RASA3: variants seen among roughly 807,000 people sequenced by gnomAD.
RASA3 encodes the protein RAS p21 protein activator 3, also known as ras GTPase-activating protein 3.
Under a neutral mutation model 110.0 loss-of-function variants are expected in RASA3, and 73 were observed. That is an observed-to-expected ratio of 0.66 (90% CI 0.55 to 0.81). RASA3 has a LOEUF of 0.81. RASA3 is among the 30% of genes least tolerant of loss of function. RASA3 has a pLI of 0.00. For synonymous variants in RASA3, 500 were observed against 451.4 expected (o/e 1.11, Z -1.37); for missense variants, 976 against 1,113.2 (o/e 0.88, Z 1.75).
intron 1 of RASA3, chr13:114,078,100 G>T: frequency 1.3e-6 from 1 of 762,116 alleles, no homozygotes; most frequent in Non-Finnish European, 1.6e-6. Flanking sequence ...AGACCAGGAG[G>T]GCTGGGGCTG....
intron 1 of RASA3, among the ~76,000 whole-genome samples, chr13:114,107,357 G>A (rs762723054): frequency 4.6e-5 from 7 of 151,730 alleles, no homozygotes; most frequent in African/African-American, 1.5e-4. Context: ...CGCGGGGGAC[G>A]GGCCTGTGTG....
At chr13:114,063,637 G>T (rs1013014514) in intron 2 of RASA3, among the ~76,000 whole-genome samples, 1 of 152,216 alleles carries the variant, frequency 6.6e-6, no homozygotes, top group Non-Finnish European at 1.5e-5. Flanking sequence ...GCAGTGCCAG[G>T]TCCCCCTGCC....
intron 1 of RASA3, among the ~76,000 whole-genome samples, chr13:114,100,667 C>T (rs1196282816): frequency 6.6e-6 from 1 of 152,230 alleles, no homozygotes; most frequent in Non-Finnish European, 1.5e-5. Context: ...CACCAGGACA[C>T]CTGGGCAAAC....
intron 1 of RASA3, among the ~76,000 whole-genome samples, chr13:114,113,570 C>T (rs1397034258): frequency 1.3e-5 from 2 of 151,644 alleles, no homozygotes; most frequent in South Asian, 4.2e-4. Context: ...CCCACCACGG[C>T]GAGTGATGTC....
intron 2 of RASA3, among the ~76,000 whole-genome samples, chr13:114,069,242 A>G (rs1040775988): frequency 1.3e-5 from 2 of 151,986 alleles, no homozygotes; most frequent in African/African-American, 4.8e-5. Flanking sequence ...ACTTGACCCA[A>G]GTGCTTCTCC....
chr13:114,055,276 T>C (rs1294059134), intron 2 of RASA3, among the ~76,000 whole-genome samples: 1 of 152,264 alleles, frequency 6.6e-6, no homozygotes, highest in African/African-American at 2.4e-5. Context: ...TGGGTGCACA[T>C]GTACACAAAG....
At chr13:114,062,790 G>A (rs547052611) in intron 2 of RASA3, among the ~76,000 whole-genome samples, 2 of 152,346 alleles carry the variant, frequency 1.3e-5, no homozygotes, top group Admixed American at 6.5e-5. Flanking sequence ...GGTGGGCCTC[G>A]GCTGCTGAGG....
intron 1 of RASA3, chr13:114,107,424 C>T (rs1207123162): frequency 6.6e-6 from 1 of 152,656 alleles, no homozygotes; most frequent in Non-Finnish European, 1.5e-5. Context: ...TGGAGGTCTG[C>T]TTCTGAACAG....
At chr13:114,132,398 C>A in intron 1 of RASA3, 37 bp downstream of exon 1, 1 of 1,488,470 alleles carries the variant, frequency 6.7e-7, no homozygotes, top group Admixed American at 2.2e-5. Context: ...AGGGTCGGGC[C>A]GGGGGGTCGG....
At chr13:114,018,332 C>T in intron 10 of RASA3, 80 bp from the exon 11 acceptor site, 1 of 1,438,420 alleles carries the variant, frequency 7.0e-7, no homozygotes, top group East Asian at 2.5e-5. Context: ...GCTGGGGTCT[C>T]ACTTCCAGCC....
rs901638290 is a variant in RASA3 at position 114,018,360 on chromosome 13, T to C, written c.943-108A>G. The C allele has an allele frequency of 8.2e-6, 11 of 1,343,044 alleles. No individual in the cohort carries two copies. The African/African-American group carries it at 1.3e-4, about 16-fold the overall frequency. The allele number at this position is 1,343,044 out of a possible 1,614,324, so 83.2% of individuals were successfully genotyped here. A position where few individuals can be genotyped will look rare whatever the true frequency, so the allele number is the denominator to read the frequency against. Reference sequence around the variant, plus strand: ...TTCCAGCCACAATAGATACGGCTCTTTGCTGAGACAGAAACACACACATTC... The same window carrying C: ...TTCCAGCCACAATAGATACGGCTCTCTGCTGAGACAGAAACACACACATTC... On this transcript the variant is annotated intron_variant, in intron 10 of 23. Coordinates refer to ENST00000334062, the MANE Select transcript of RASA3 (RefSeq NM_007368.4).
intron 9 of RASA3, among the ~76,000 whole-genome samples, chr13:114,020,661 C>T (rs1370215483): frequency 2.0e-5 from 3 of 152,166 alleles, no homozygotes; most frequent in African/African-American, 7.2e-5. Flanking sequence ...TAAAATGAAA[C>T]AATGGCCTGT....
intron 18 of RASA3, among the ~76,000 whole-genome samples, chr13:114,001,433 GCGGGC>G (rs2053396281): frequency 7.3e-6 from 1 of 137,400 alleles, no homozygotes; most frequent in Non-Finnish European, 1.7e-5. Flanking sequence ...ACCTACGGCC[GCGGGC>G]TCGGGGTCAG....
intron 3 of RASA3, among the ~76,000 whole-genome samples, chr13:114,042,354 G>A (rs1214747981): frequency 1.3e-5 from 2 of 152,258 alleles, no homozygotes; most frequent in African/African-American, 2.4e-5. Context: ...GTTGACCGAT[G>A]CACGTGAACT....
intron 1 of RASA3, among the ~76,000 whole-genome samples, chr13:114,092,561 A>G (rs1050725029): frequency 1.3e-5 from 2 of 151,956 alleles, no homozygotes; most frequent in African/African-American, 4.8e-5. Flanking sequence ...TAATTTTTTG[A>G]GATTGTTTTG....
rs148214251 is a variant in RASA3, at chr13:114,027,431, C to T, written c.561G>A (p.Arg187=). The T allele has an allele frequency of 8.1e-6, 13 of 1,613,252 alleles. No homozygotes were observed. The African/African-American group carries it at 1.7e-4, about 22-fold the overall frequency. ...RSEAKKTKVK[R]KTNNPQFDEV... ...CATCGAACTGGGGATTGTTGGTCTT[C>T]CTCTTCACTTTCGTCTTCTTTGCTT... Residue 187 remains arginine (R), a synonymous_variant, in exon 7 of 24, where the codon AGG becomes AGA. Transcript: ENST00000334062.
intron 3 of RASA3, among the ~76,000 whole-genome samples, chr13:114,044,675 T>C (rs1208725713): frequency 6.7e-6 from 1 of 148,304 alleles, no homozygotes; most frequent in Non-Finnish European, 1.5e-5. Context: ...ACCTCAGTTT[T>C]GAGTCTCACA....
At chr13:114,094,834 T>G (rs2079924519) in intron 1 of RASA3, among the ~76,000 whole-genome samples, 2 of 152,256 alleles carry the variant, frequency 1.3e-5, no homozygotes, top group South Asian at 4.1e-4. Context: ...TTTAGATATG[T>G]GCACAGCCAC....
chr13:114,107,647 G>A (rs1282485031), intron 1 of RASA3: 1 of 152,258 alleles, frequency 6.6e-6, no homozygotes, highest in Non-Finnish European at 1.5e-5. Context: ...TGTGTCTAGG[G>A]GAGCCCATTC....
Sources: gnomAD v4.1 joint callset for allele counts (sites outside exome capture counted in the v4.1 genomes callset) on GRCh38, gnomAD v4.1.1 for gene constraint, MANE v1.5 for transcripts, NCBI Gene and HGNC (gene_info 2026-07-23, HGNC 2026-07-21) for gene names.